Variants in TNFRSF9 observed in about 807,000 individuals in gnomAD.
TNFRSF9 encodes tumor necrosis factor receptor superfamily member 9.
TNFRSF9 carries 16 observed loss-of-function variants against 28.8 expected under a neutral mutation model. That is an observed-to-expected ratio of 0.55 (90% CI 0.38 to 0.84). The LOEUF (loss-of-function observed/expected upper bound fraction) is 0.84. Ranked by LOEUF, TNFRSF9 falls within the 40% of genes least tolerant of loss-of-function variation. TNFRSF9 has a pLI of 0.00. For missense variants in TNFRSF9, 303 were observed against 315.0 expected (o/e 0.96, Z 0.29); for synonymous variants, 131 against 117.0 (o/e 1.12, Z -0.77).
At chr1:7,921,657 G>A (rs187708143) in intron 7 of TNFRSF9, 1 of 152,118 alleles carries the variant, frequency 6.6e-6, no homozygotes, top group Non-Finnish European at 1.5e-5. Context: ...GACAGAGTGA[G>A]ACTCCATCTA....
intron 7 of TNFRSF9, among the ~76,000 whole-genome samples, chr1:7,925,863 CA>C (rs1271043079): frequency 6.6e-6 from 1 of 152,126 alleles, no homozygotes; most frequent in Admixed American, 6.6e-5. Flanking sequence ...GCTATAAATA[CA>C]GAGGAAGCTT....
intron 7 of TNFRSF9, among the ~76,000 whole-genome samples, chr1:7,926,291 G>A (rs181867363): frequency 6.6e-6 from 1 of 152,122 alleles, no homozygotes; most frequent in Non-Finnish European, 1.5e-5. Flanking sequence ...ATGGTATTCG[G>A]TACAGTCACA....
intron 7 of TNFRSF9, among the ~76,000 whole-genome samples, chr1:7,922,765 T>G (rs965858934): frequency 6.6e-6 from 1 of 151,316 alleles, no homozygotes; most frequent in African/African-American, 2.4e-5. Context: ...AGAGCTGAGA[T>G]TACACCACTG....
At chr1:7,932,909 A>T (rs1243208919) in intron 7 of TNFRSF9, among the ~76,000 whole-genome samples, 1 of 152,142 alleles carries the variant, frequency 6.6e-6, no homozygotes. Flanking sequence ...CGTGCACGGT[A>T]GGAGTTGAGC....
intron 5 of TNFRSF9, among the ~76,000 whole-genome samples, chr1:7,935,701 T>C (rs753535681): frequency 6.6e-6 from 1 of 152,124 alleles, no homozygotes; most frequent in African/African-American, 2.4e-5. Context: ...TGATGGTGCA[T>C]GCCTGTGGCC....
rs1279950535 is a variant in TNFRSF9, at chr1:7,916,925, A to C, written c.*3910T>G. 1 of 152,056 alleles carries C rather than the reference A, an allele frequency of 6.6e-6. No individual in the cohort carries two copies. The highest frequency in any genetic ancestry group is 1.9e-4 in the East Asian group (1 of 5,194). 9.4% of individuals were successfully genotyped at this position (152,056 alleles called of 1,614,324 possible). On this transcript the variant is annotated 3_prime_UTR_variant, in exon 8 of 8. Coordinates refer to ENST00000377507, the MANE Select transcript of TNFRSF9 (RefSeq NM_001561.6). ...TAATAAAGAACCAAGAATAACCAAG[A>C]CATCTCTTTTCTTTTTTTTCCTGAG...
rs1294028030 is a variant in TNFRSF9 at position 7,917,852 on chromosome 1, C to A, written c.*2983G>T. On this transcript the variant is annotated 3_prime_UTR_variant, in exon 8 of 8. Coordinates refer to ENST00000377507, the MANE Select transcript of TNFRSF9 (RefSeq NM_001561.6). ...CTTGAGCTCAGGAGTTCAAGACCAG[C>A]CTGGGCAACATAATGAAACCTCAGA... 3 of 150,510 alleles carry A rather than the reference C, an allele frequency of 2.0e-5. No homozygotes were observed. Among genetic ancestry groups the A allele is most frequent in the African/African-American group, 7.4e-5 (3 of 40,802 alleles). The allele number at this position is 150,510 out of a possible 1,614,324, so 9.3% of individuals were successfully genotyped here. A position where few individuals can be genotyped will look rare whatever the true frequency, so the allele number is the denominator to read the frequency against.
intron 7 of TNFRSF9, among the ~76,000 whole-genome samples, chr1:7,932,689 G>A (rs987337734): frequency 2.7e-5 from 4 of 146,994 alleles, no homozygotes; most frequent in African/African-American, 7.7e-5. Context: ...ACGCACGCAC[G>A]CGCACACACA....
chr1:7,928,659 A>C (rs1639688112), intron 7 of TNFRSF9, among the ~76,000 whole-genome samples: 1 of 152,206 alleles, frequency 6.6e-6, no homozygotes, highest in African/African-American at 2.4e-5. Flanking sequence ...TGGGAGACTG[A>C]GGCAGGCAGA....
At chr1:7,932,118 C>G (rs1410044708) in intron 7 of TNFRSF9, among the ~76,000 whole-genome samples, 1 of 152,018 alleles carries the variant, frequency 6.6e-6, no homozygotes, top group Non-Finnish European at 1.5e-5. Context: ...GCCTGGGCAA[C>G]AAGAGTGAAA....
At position 7,938,748 on chromosome 1, in the gene TNFRSF9, T is replaced by C; in HGVS notation, c.181A>G (p.Thr61Ala). The change falls in exon 3 of 8, where the codon ACC becomes GCC. Residue 61 changes from threonine to alanine, a missense_variant. Thr to Ala is a moderately conservative substitution (Grantham distance 58). Transcript: ENST00000377507. Reference protein sequence around the residue: ...NSFSSAGGQRTCDICRQCKGV... With the variant: ...NSFSSAGGQRACDICRQCKGV... Reference sequence around the variant, plus strand: ...TTACACTGCCTGCATATGTCACAGGTCCTTTGTCCACCTGCGCTGGAGAAA... The same window carrying C: ...TTACACTGCCTGCATATGTCACAGGCCCTTTGTCCACCTGCGCTGGAGAAA... 1 of 1,613,456 alleles carries C rather than the reference T, an allele frequency of 6.2e-7. No homozygotes were observed. The highest frequency in any genetic ancestry group is 8.5e-7 in the Non-Finnish European group (1 of 1,179,562).
chr1:7,937,439 G>A (rs770963183), intron 5 of TNFRSF9, among the ~76,000 whole-genome samples: 31 of 152,078 alleles, frequency 2.0e-4, no homozygotes, highest in Non-Finnish European at 2.8e-4. Context: ...GATTACAGGC[G>A]TGAACCACTG....
intron 3 of TNFRSF9, 37 bp downstream of exon 3, chr1:7,938,684 T>A (rs1478518444): frequency 6.7e-7 from 1 of 1,501,874 alleles, no homozygotes; most frequent in East Asian, 2.3e-5. Context: ...TCTTCCCAAC[T>A]ATCTTCTAGA....
At chr1:7,924,199 C>T (rs1472049229) in intron 7 of TNFRSF9, among the ~76,000 whole-genome samples, 2 of 151,562 alleles carry the variant, frequency 1.3e-5, no homozygotes, top group Non-Finnish European at 2.9e-5. Flanking sequence ...CAATTATGTA[C>T]AGCACATAAT....
intron 2 of TNFRSF9, 41 bp from the exon 3 acceptor site, chr1:7,938,869 G>T: frequency 7.1e-7 from 1 of 1,416,182 alleles, no homozygotes; most frequent in Non-Finnish European, 9.9e-7. Flanking sequence ...TTGACAATGG[G>T]CAATCGTCAC....
At chr1:7,922,610 G>A (rs939838555) in intron 7 of TNFRSF9, among the ~76,000 whole-genome samples, 4 of 152,046 alleles carry the variant, frequency 2.6e-5, no homozygotes, top group Middle Eastern at 3.2e-3. Context: ...TCAGGATTTC[G>A]AGACCAGCCT....
intron 7 of TNFRSF9, among the ~76,000 whole-genome samples, chr1:7,927,307 T>C (rs975611882): frequency 6.6e-6 from 1 of 152,174 alleles, no homozygotes; most frequent in African/African-American, 2.4e-5. Context: ...AAGCCTGCTG[T>C]GAACCAAACA....
intron 7 of TNFRSF9, among the ~76,000 whole-genome samples, chr1:7,928,885 A>G (rs563378704): frequency 6.6e-6 from 1 of 152,122 alleles, no homozygotes; most frequent in Non-Finnish European, 1.5e-5. Flanking sequence ...TCTCAAAAAC[A>G]AACAACAACA....
intron 7 of TNFRSF9, among the ~76,000 whole-genome samples, chr1:7,929,157 C>CTTTTTTTTTTTTTTTTTTTTTTT (rs1491203940): frequency 1.5e-4 from 10 of 65,436 alleles, no homozygotes; most frequent in Non-Finnish European, 3.9e-4. Flanking sequence ...TTTTCTTTTT[C>CTTTTTTTTTTTTTTTTTTTTTTT]CTTTTTTTTT....
Sources: gnomAD v4.1 joint callset for allele counts (sites outside exome capture counted in the v4.1 genomes callset) on GRCh38, gnomAD v4.1.1 for gene constraint, MANE v1.5 for transcripts, NCBI Gene and HGNC (gene_info 2026-07-23, HGNC 2026-07-21) for gene names.